Variants in TENM2 observed in about 807,000 individuals in gnomAD.
TENM2 encodes the protein teneurin-2.
In TENM2, 52 loss-of-function variants were observed where a neutral mutation model predicts 245.2. That is an observed-to-expected ratio of 0.21 (90% confidence interval 0.17 to 0.27). The LOEUF (loss-of-function observed/expected upper bound fraction) is 0.27, where lower values mean the gene tolerates loss of function less well. Ranked by LOEUF, TENM2 falls within the 10% of genes least tolerant of loss-of-function variation. TENM2 has a pLI of 1.00. For missense variants in TENM2, 3,046 were observed against 3,666.8 expected (o/e 0.83, Z 4.37); for synonymous variants, 1,363 against 1,438.9 (o/e 0.95, Z 1.19).
intron 3 of TENM2, among the ~76,000 whole-genome samples, chr5:167,907,176 G>A (rs1413335056): frequency 6.6e-6 from 1 of 152,066 alleles, no homozygotes; most frequent in Non-Finnish European, 1.5e-5. Context: ...AGGTTGCAAT[G>A]AGCCAAGATC....
chr5:168,005,063 T>C (rs1302845583), intron 5 of TENM2, among the ~76,000 whole-genome samples: 1 of 152,152 alleles, frequency 6.6e-6, no homozygotes, highest in Non-Finnish European at 1.5e-5. Flanking sequence ...ATTTCTTTTC[T>C]GGGGATGTGA....
chr5:168,211,385 G>T (rs185755301), intron 19 of TENM2, among the ~76,000 whole-genome samples: 1 of 152,310 alleles, frequency 6.6e-6, no homozygotes, highest in East Asian at 1.9e-4. Flanking sequence ...ACTCCCAGTG[G>T]CCATTACTGG....
chr5:167,721,384 A>C (rs1759618811), intron 2 of TENM2: 1 of 152,300 alleles, frequency 6.6e-6, no homozygotes, highest in Admixed American at 6.5e-5. Context: ...GCGAACACAC[A>C]TTGATTATCC....
the TENM2 span, among the ~76,000 whole-genome samples, chr5:167,025,372 CA>C: frequency 6.6e-6 from 1 of 151,980 alleles, no homozygotes; most frequent in African/African-American, 2.4e-5. Context: ...TTGGAGTGTA[CA>C]AAATTTATAG....
Position 167,416,795 on chromosome 5 carries a change from C to A in TENM2, c.502+41322C>A, listed in dbSNP as rs567146690. Among the ~76,000 whole-genome samples the A allele has an allele frequency of 7.9e-5, 12 of 152,272 alleles. No homozygotes were observed. In the East Asian group the frequency reaches 1.7e-3, roughly 22 times the overall value. ...TGACATTCTAACTCCAAACCAGATT[C>A]ATGCAGAAAACTACTCCTTTTTCTT... On this transcript the variant is annotated intron_variant, in intron 2 of 28. Transcript: ENST00000518659.
At chr5:168,086,742 A>G (rs1009320211) in intron 7 of TENM2, among the ~76,000 whole-genome samples, 4 of 152,172 alleles carry the variant, frequency 2.6e-5, no homozygotes, top group Non-Finnish European at 5.9e-5. Flanking sequence ...AAGCATCCCC[A>G]TGTCCCGAAT....
At chr5:167,966,314 A>G (rs907654755) in intron 4 of TENM2, among the ~76,000 whole-genome samples, 2 of 152,180 alleles carry the variant, frequency 1.3e-5, no homozygotes, top group African/African-American at 4.8e-5. Flanking sequence ...TTCTAAACAG[A>G]GCTCTGCCAG....
chr5:167,091,598 TA>T, the TENM2 span, among the ~76,000 whole-genome samples: 1 of 152,216 alleles, frequency 6.6e-6, no homozygotes, highest in Non-Finnish European at 1.5e-5. Context: ...AGTTTAGGGA[TA>T]TTTTTATAAT....
At chr5:167,351,710 A>T (rs569654249) in intron 1 of TENM2, among the ~76,000 whole-genome samples, 2 of 152,304 alleles carry the variant, frequency 1.3e-5, no homozygotes, top group South Asian at 2.1e-4. Context: ...TTATTTGCCT[A>T]ATAATGAAGG....
At chr5:167,193,581 A>G in the TENM2 span, among the ~76,000 whole-genome samples, 1 of 152,054 alleles carries the variant, frequency 6.6e-6, no homozygotes, top group Non-Finnish European at 1.5e-5. Context: ...AACCCTAGCC[A>G]GAGTCAAAGG....
At chr5:167,724,747 A>G (rs750288324) in intron 2 of TENM2, among the ~76,000 whole-genome samples, 1 of 152,190 alleles carries the variant, frequency 6.6e-6, no homozygotes, top group Non-Finnish European at 1.5e-5. Context: ...CCTAGGGTAT[A>G]ATGTTCCAGG....
At chr5:168,019,379 A>G (rs1785944940) in intron 5 of TENM2, among the ~76,000 whole-genome samples, 1 of 152,146 alleles carries the variant, frequency 6.6e-6, no homozygotes, top group Non-Finnish European at 1.5e-5. Flanking sequence ...ACTAGATGAG[A>G]GCCAAGGAGG....
intron 2 of TENM2, among the ~76,000 whole-genome samples, chr5:167,504,769 G>A (rs891721481): frequency 1.3e-5 from 2 of 152,076 alleles, no homozygotes; most frequent in East Asian, 1.9e-4. Flanking sequence ...CCTGTTACTC[G>A]CAAGAGGTAG....
intron 2 of TENM2, among the ~76,000 whole-genome samples, chr5:167,628,064 G>A (rs183029141): frequency 3.3e-5 from 5 of 152,276 alleles, no homozygotes; most frequent in Admixed American, 2.6e-4. Context: ...CTGTGTCCAG[G>A]CATCAGAAGG....
intron 10 of TENM2, 97 bp downstream of exon 12, chr5:168,118,583 CAAGAG>C: frequency 1.0e-6 from 1 of 955,012 alleles, no homozygotes. Flanking sequence ...GCGTGTTTTG[CAAGAG>C]AAGTTTCAAC....
the TENM2 span, among the ~76,000 whole-genome samples, chr5:167,093,213 T>G: frequency 6.8e-3 from 1,031 of 152,152 alleles, 9 homozygotes; most frequent in African/African-American, 0.023. Flanking sequence ...AATTCTGCAG[T>G]GTTGGGAAAT....
intron 2 of TENM2, among the ~76,000 whole-genome samples, chr5:167,663,186 G>A (rs1488672320): frequency 8.5e-6 from 1 of 118,336 alleles, no homozygotes; most frequent in Non-Finnish European, 1.8e-5. Flanking sequence ...GAGAGAGAGA[G>A]AAAGAGAGAG....
chr5:168,161,563 G>GAA (rs1757741980), intron 12 of TENM2, among the ~76,000 whole-genome samples: 1 of 152,128 alleles, frequency 6.6e-6, no homozygotes, highest in East Asian at 1.9e-4. Flanking sequence ...TTGCCAGCAC[G>GAA]TAGGTTTTGT....
the TENM2 span, among the ~76,000 whole-genome samples, chr5:167,080,450 A>G: frequency 6.6e-6 from 1 of 152,194 alleles, no homozygotes; most frequent in African/African-American, 2.4e-5. Context: ...ATACATTTCA[A>G]AGATGTTCCT....
Sources: allele counts gnomAD v4.1 joint callset (sites outside exome capture counted in the v4.1 genomes callset), GRCh38; gene constraint gnomAD v4.1.1; transcripts MANE v1.5; gene names NCBI Gene and HGNC (gene_info 2026-07-23, HGNC 2026-07-21).